EPHX2: variants seen among roughly 807,000 people sequenced by gnomAD.
The protein encoded by EPHX2 is bifunctional epoxide hydrolase 2.
EPHX2 carries 74 observed loss-of-function variants against 78.7 expected under a neutral mutation model. That is an observed-to-expected ratio of 0.94 (90% CI 0.78 to 1.14). The LOEUF is 1.14. Ranked by LOEUF, EPHX2 falls within the 50% of genes most tolerant of loss-of-function variation. The pLI is 0.00. For missense variants in EPHX2, 715 were observed against 702.5 expected, an observed-to-expected ratio of 1.02 and a Z score of -0.20; for synonymous variants, 251 against 255.2, an observed-to-expected ratio of 0.98 and a Z score of 0.16.
In EPHX2 at chr8:27,544,306, A is replaced by G. The variant is rs1225319796; in HGVS notation, c.1589+62A>G. The G allele has an allele frequency of 1.9e-6, 3 of 1,605,468 alleles. No homozygotes were observed. The East Asian group carries it at 6.7e-5, about 36-fold the overall frequency. ...AGGGCCCCCCGTTCACCTTCCATAA[A>G]AGCTTTCCTGGTTTCATTGTGCTGG... On this transcript the variant is annotated intron_variant, in intron 18 of 18. Transcript: ENST00000521400.
chr8:27,521,572 A>G (rs1814648827), intron 10 of EPHX2, among the ~76,000 whole-genome samples: 1 of 152,198 alleles, frequency 6.6e-6, no homozygotes, highest in South Asian at 2.1e-4. Context: ...GTTCACCAGC[A>G]GGGCGCTGTG....
chr8:27,534,667 A>T (rs1815153891), intron 12 of EPHX2, among the ~76,000 whole-genome samples: 1 of 152,116 alleles, frequency 6.6e-6, no homozygotes. Flanking sequence ...TAAAAAAAGT[A>T]ACCTCTCAAC....
At chr8:27,540,739 C>A in intron 15 of EPHX2, 83 bp downstream of exon 15, 1 of 1,323,150 alleles carries the variant, frequency 7.6e-7, no homozygotes, top group Non-Finnish European at 1.1e-6. Flanking sequence ...AGGGTGAGGC[C>A]CAGTTCTCCT....
intron 12 of EPHX2, among the ~76,000 whole-genome samples, chr8:27,530,832 C>T (rs944191611): frequency 1.4e-5 from 2 of 146,268 alleles, no homozygotes; most frequent in African/African-American, 2.6e-5. Context: ...GGCATGATCT[C>T]AGCTCACCAC....
intron 5 of EPHX2, among the ~76,000 whole-genome samples, chr8:27,508,946 C>CTTTTTTTTTTTTTTTTTT (rs34748947): frequency 1.6e-5 from 1 of 64,406 alleles, no homozygotes; most frequent in Non-Finnish European, 2.8e-5. Flanking sequence ...CCCCATCCTG[C>CTTTTTTTTTTTTTTTTTT]TTTTTTTTTT....
At chr8:27,506,247 G>T (rs1351341761) in intron 4 of EPHX2, among the ~76,000 whole-genome samples, 1 of 152,132 alleles carries the variant, frequency 6.6e-6, no homozygotes, top group Non-Finnish European at 1.5e-5. Flanking sequence ...GTCTCCCAAA[G>T]TGCTGGGATT....
rs148698776 is a variant in EPHX2 at position 27,493,995 on chromosome 8, G to A, written c.101+2686G>A. 3.7e-4 allele frequency among the ~76,000 whole-genome samples: 56 copies of A among 152,248 alleles called. 1 individual carries two copies. Among genetic ancestry groups the A allele is most frequent in the Non-Finnish European group, 6.6e-4 (45 of 68,010 alleles). On this transcript the variant is annotated intron_variant, in intron 1 of 18. Coordinates refer to ENST00000521400, the MANE Select transcript of EPHX2 (RefSeq NM_001979.6). ...GAAGACATACACTAGTGGTGGGGGCGCTGCTGCAGGGGGTCCAGGGGTGAA... is the reference window on the plus strand; with the variant it reads ...GAAGACATACACTAGTGGTGGGGGCACTGCTGCAGGGGGTCCAGGGGTGAA...
chr8:27,544,117 A>G, intron 17 of EPHX2, 69 bp from the exon 18 acceptor site: 2 of 1,575,310 alleles, frequency 1.3e-6, no homozygotes, highest in Non-Finnish European at 1.7e-6. Context: ...TCCATTGCCC[A>G]TTGCACTAGC....
At position 27,545,110 on chromosome 8, in the gene EPHX2, C is replaced by G. The variant is rs546346616; in HGVS notation, c.*588C>G. 1 of 152,620 alleles carries G rather than the reference C, an allele frequency of 6.6e-6. No homozygotes were observed. The highest frequency in any genetic ancestry group is 1.5e-5 in the Non-Finnish European group (1 of 68,370). 9.5% of individuals were successfully genotyped at this position (152,620 alleles called of 1,614,324 possible). ...GTGTCTTGTGCTCTGTCCCCTAGAG[C>G]AGTCACTGGCCACAGGTAGCCACCT... On this transcript the variant is annotated 3_prime_UTR_variant, in exon 19 of 19. Coordinates refer to ENST00000521400, the MANE Select transcript of EPHX2 (RefSeq NM_001979.6).
downstream of EPHX2, among the ~76,000 whole-genome samples, chr8:27,548,238 C>T (rs1197677783): frequency 1.3e-5 from 2 of 152,192 alleles, no homozygotes. Context: ...GGTTTTAGAC[C>T]TTGACATGAC....
At chr8:27,511,641 A>G (rs1266124546) in intron 5 of EPHX2, among the ~76,000 whole-genome samples, 195 bp from the exon 6 acceptor site, 1 of 152,202 alleles carries the variant, frequency 6.6e-6, no homozygotes, top group African/African-American at 2.4e-5. Context: ...GGCTCCACTC[A>G]ACTGGAAGGC....
At chr8:27,519,994 CTCTTT>C (rs1205046626) in intron 9 of EPHX2, among the ~76,000 whole-genome samples, 11 of 151,088 alleles carry the variant, frequency 7.3e-5, no homozygotes, top group East Asian at 1.9e-4. Flanking sequence ...TAATCTCCTC[CTCTTT>C]TCTTTTCTTT....
At chr8:27,526,168 G>A (rs1182825703) in intron 12 of EPHX2, among the ~76,000 whole-genome samples, 6 of 152,292 alleles carry the variant, frequency 3.9e-5, no homozygotes, top group East Asian at 1.9e-4. Context: ...CGTCTCCCAC[G>A]TTCCTCTCCC....
intron 12 of EPHX2, among the ~76,000 whole-genome samples, chr8:27,533,909 T>A (rs926282587): frequency 1.3e-5 from 2 of 152,210 alleles, no homozygotes; most frequent in Non-Finnish European, 2.9e-5. Flanking sequence ...CTTTACTGAC[T>A]TTTTGACATC....
Position 27,503,745 on chromosome 8 carries a change from C to A in EPHX2, c.328C>A (p.Leu110Ile). ...CAACCGCCCCATGCTCCAGGCAGCT[C>A]TCATGCTCAGGAAGAAAGGTAAGGA... Reference protein sequence around the residue: ...KINRPMLQAALMLRKKGFTTA... With the variant: ...KINRPMLQAAIMLRKKGFTTA... Residue 110 changes from leucine (L) to isoleucine (I), a missense_variant, in exon 3 of 19, where the codon CTC becomes ATC. Physicochemically the swap from Leu to Ile is conservative, Grantham distance 5. Transcript: ENST00000521400. 4 of 1,612,536 alleles carry A rather than the reference C, an allele frequency of 2.5e-6. No homozygotes were observed. The highest frequency in any genetic ancestry group is 1.7e-5 in the Admixed American group (1 of 60,016).
downstream of EPHX2, among the ~76,000 whole-genome samples, chr8:27,546,417 G>A (rs776059128): frequency 2.0e-5 from 3 of 152,138 alleles, no homozygotes; most frequent in Non-Finnish European, 4.4e-5. Context: ...AGACCTCTAA[G>A]GGCTTTCCAT....
At position 27,544,878 on chromosome 8, in the gene EPHX2, A is replaced by G. The variant is rs2132812183; in HGVS notation, c.*356A>G. 7 of 265,590 alleles carry G rather than the reference A, an allele frequency of 2.6e-5. No homozygotes were observed. In the South Asian group the frequency reaches 4.4e-4, roughly 17 times the overall value. The allele number at this position is 265,590 out of a possible 1,614,324, so 16.5% of individuals were successfully genotyped here. On this transcript the variant is annotated 3_prime_UTR_variant, in exon 19 of 19. Transcript: ENST00000521400. Reference sequence around the variant, plus strand: ...GCCGTTCATTTAGAAGAATCTTAGCAGAGATTGGGATGCCTTACTCAATAA... The same window carrying G: ...GCCGTTCATTTAGAAGAATCTTAGCGGAGATTGGGATGCCTTACTCAATAA...
intron 9 of EPHX2, among the ~76,000 whole-genome samples, chr8:27,519,844 G>T (rs1814584209): frequency 6.6e-6 from 1 of 152,146 alleles, no homozygotes; most frequent in African/African-American, 2.4e-5. Flanking sequence ...GGAACTCCAT[G>T]CTGGTCACAG....
rs1327303210 is a variant in EPHX2 at position 27,521,025 on chromosome 8, C to A, written c.972+116C>A. ...CGGGCAGGGAGGGCCCATTTTGGGG[C>A]AGTTTAGGGCAGAGTGGGCATGGGC... On this transcript the variant is annotated intron_variant, in intron 10 of 18. Coordinates refer to ENST00000521400, the MANE Select transcript of EPHX2 (RefSeq NM_001979.6). 9 of 1,203,876 alleles carry A rather than the reference C, an allele frequency of 7.5e-6. No homozygotes were observed. In the African/African-American group the frequency reaches 7.5e-5, roughly 10 times the overall value. The allele number at this position is 1,203,876 out of a possible 1,614,324, so 74.6% of individuals were successfully genotyped here.
Sources: allele counts gnomAD v4.1 joint callset (sites outside exome capture counted in the v4.1 genomes callset), GRCh38; gene constraint gnomAD v4.1.1; transcripts MANE v1.5; gene names NCBI Gene and HGNC (gene_info 2026-07-23, HGNC 2026-07-21).